RMDN2: variants seen among roughly 807,000 people sequenced by gnomAD.
RMDN2 encodes regulator of microtubule dynamics protein 2.
A neutral mutation model predicts 52.8 loss-of-function variants in RMDN2; 61 were observed. That is an observed-to-expected ratio of 1.16 (90% CI 0.94 to 1.43). RMDN2 has a LOEUF of 1.43. Among genes scored for constraint, RMDN2 ranks in the 40% most tolerant of loss-of-function variants. The pLI, the probability that RMDN2 is intolerant of heterozygous loss-of-function variation, is 0.00. For missense variants in RMDN2, 592 were observed against 475.3 expected, an observed-to-expected ratio of 1.25 and a Z score of -2.28; for synonymous variants, 180 against 153.1, an observed-to-expected ratio of 1.18 and a Z score of -1.30.
At chr2:38,039,093 C>CACACACACACACACACAG (rs1317093706) in intron 10 of RMDN2, among the ~76,000 whole-genome samples, 1 of 91,592 alleles carries the variant, frequency 1.1e-5, no homozygotes, top group Non-Finnish European at 3.3e-5. Flanking sequence ...CACACACACA[C>CACACACACACACACACAG]AGAGAGAGAG....
chr2:38,009,094 C>G (rs1393150974), intron 10 of RMDN2, among the ~76,000 whole-genome samples: 1 of 152,202 alleles, frequency 6.6e-6, no homozygotes, highest in African/African-American at 2.4e-5. Flanking sequence ...TGATGGGCTT[C>G]CCTTTATGGG....
Position 38,017,507 on chromosome 2 carries a change from A to T in RMDN2, c.*268A>T, listed in dbSNP as rs1678967214. ...TTATCAATAAACTGCAGCCTTAAGA[A>T]TATTTCTTTAAATAAAATATTTAAA... is the stretch of plus-strand genomic sequence containing the variant. On this transcript the variant is annotated 3_prime_UTR_variant, in exon 11 of 11. Transcript: ENST00000354545. 9.1e-7 allele frequency: 1 copy of T among 1,102,700 alleles called. No homozygotes were observed. Among genetic ancestry groups the T allele is most frequent in the Non-Finnish European group, 1.2e-6 (1 of 829,698 alleles). 68.3% of individuals were successfully genotyped at this position (1,102,700 alleles called of 1,614,324 possible).
At chr2:38,058,994 T>C (rs1242297223) in intron 10 of RMDN2, among the ~76,000 whole-genome samples, 1 of 152,210 alleles carries the variant, frequency 6.6e-6, no homozygotes, top group African/African-American at 2.4e-5. Flanking sequence ...ATCATAGTGT[T>C]TTACCCAAAG....
intron 10 of RMDN2, among the ~76,000 whole-genome samples, chr2:38,023,096 T>TA (rs1679516962): frequency 6.6e-6 from 1 of 152,236 alleles, no homozygotes; most frequent in South Asian, 2.1e-4. Flanking sequence ...TTAACAATTT[T>TA]AAACCTCACA....
In RMDN2 at chr2:37,929,385, A is replaced by C. The variant is rs1666540840; in HGVS notation, c.108A>C (p.Ala36=). 2 of 1,551,568 alleles carry C rather than the reference A, an allele frequency of 1.3e-6. No individual in the cohort carries two copies. The highest frequency in any genetic ancestry group is 2.4e-5 in the South Asian group (2 of 84,068). Residue 36 remains alanine, a synonymous_variant, in exon 2 of 11, where the codon GCA becomes GCC. Transcript: ENST00000354545. The part of the protein sequence containing the change: ...WYHKVRKPGI[A]MKLPEFLSLG... The stretch of plus-strand genomic sequence containing the variant: ...ACAAGGTCCGTAAACCAGGGATAGC[A>C]ATGAAGTTACCTGAATTTCTTTCTC...
In RMDN2 at chr2:37,952,202, G is replaced by A. The variant is rs201107537; in HGVS notation, c.453-21838G>A. ...CACCTATTGAAATTCCTAAAATAAG[G>A]TCACCTCAGACTTTACCCTCTCTTA... On this transcript the variant is annotated intron_variant, in intron 2 of 10. Transcript: ENST00000354545. 595 of 1,612,866 alleles carry A rather than the reference G, an allele frequency of 3.7e-4. No individual in the cohort carries two copies. Among genetic ancestry groups the A allele is most frequent in the Middle Eastern group, 1.3e-3 (8 of 6,054 alleles).
intron 5 of RMDN2, among the ~76,000 whole-genome samples, chr2:37,983,452 C>T (rs893023348): frequency 2.0e-5 from 3 of 152,044 alleles, no homozygotes; most frequent in African/African-American, 4.8e-5. Flanking sequence ...CATTTAACCC[C>T]AGTATTAAAT....
chr2:37,996,601 GAAAAA>G (rs1161536445), intron 7 of RMDN2, among the ~76,000 whole-genome samples: 1 of 58,006 alleles, frequency 1.7e-5, no homozygotes, highest in Non-Finnish European at 3.1e-5. Context: ...AAAAAAAAAA[GAAAAA>G]AAAAAAAAAA....
rs562552552 is a variant in RMDN2 at position 37,942,367 on chromosome 2, A to G, written c.452+12638A>G. ...TCGACCATCTTGCCTGGGAATCCTC[A>G]TGTTTTGTTCTTATAAACAATGCTT... On this transcript the variant is annotated intron_variant, in intron 2 of 10. Transcript: ENST00000354545. Among the ~76,000 whole-genome samples, 5 of 152,152 alleles carry G rather than the reference A, an allele frequency of 3.3e-5. No homozygotes were observed. The East Asian group carries it at 5.8e-4, about 18-fold the overall frequency.
In RMDN2 at chr2:37,929,624, C is replaced by G. The variant is rs1187424854; in HGVS notation, c.347C>G (p.Thr116Ser). 1.3e-6 allele frequency: 2 copies of G among 1,551,486 alleles called. No individual in the cohort carries two copies. Among genetic ancestry groups the G allele is most frequent in the South Asian group, 2.4e-5 (2 of 84,050 alleles). Residue 116 changes from threonine to serine, a missense_variant, in exon 2 of 11, where the codon ACT becomes AGT. Physicochemically the swap from Thr to Ser is moderately conservative, Grantham distance 58. Coordinates refer to ENST00000354545, the MANE Select transcript of RMDN2 (RefSeq NM_001170791.3). ...YIQDELGGKI[T>S]VHKISPQHRA... The stretch of plus-strand genomic sequence containing the variant: ...CAAGATGAACTTGGAGGGAAAATAA[C>G]TGTTCATAAGATAAGCCCTCAGCAC...
rs10205226 is a variant in RMDN2, at chr2:37,985,378, T to A, written c.791+4035T>A. ...TTCTAAAAAGGTGAAATGATCTGTT[T>A]TTTATTTATTTATTTATTTATTTTG... On this transcript the variant is annotated intron_variant, in intron 5 of 10. Coordinates refer to ENST00000354545, the MANE Select transcript of RMDN2 (RefSeq NM_001170791.3). Among the ~76,000 whole-genome samples, 213 of 151,592 alleles carry A rather than the reference T, an allele frequency of 1.4e-3. 1 individual carries two copies. The highest frequency in any genetic ancestry group is 4.6e-3 in the African/African-American group (189 of 41,300).
Position 37,926,532 on chromosome 2 carries a change from A to T in RMDN2, c.-17+1107A>T, listed in dbSNP as rs1666292913. Among the ~76,000 whole-genome samples the T allele has an allele frequency of 3.9e-5, 6 of 152,336 alleles. No homozygotes were observed. In the South Asian group the frequency reaches 1.2e-3, roughly 32 times the overall value. On this transcript the variant is annotated intron_variant, in intron 1 of 10. Transcript: ENST00000354545. Reference sequence around the variant, plus strand: ...ACCTTACAAATTGAAACGTAACATAATACTTTGTATCTGATTATTAAAATA... The same window carrying T: ...ACCTTACAAATTGAAACGTAACATATTACTTTGTATCTGATTATTAAAATA...
chr2:38,051,395 T>A (rs1345330558), intron 10 of RMDN2, among the ~76,000 whole-genome samples: 1 of 152,210 alleles, frequency 6.6e-6, no homozygotes. Context: ...CTGTTCTTTT[T>A]TTAGTTTTTT....
At chr2:37,976,810 C>T (rs1320565675) in intron 4 of RMDN2, among the ~76,000 whole-genome samples, 2 of 151,788 alleles carry the variant, frequency 1.3e-5, no homozygotes, top group Non-Finnish European at 2.9e-5. Flanking sequence ...AGTGTTCCAA[C>T]ATTCATCAAT....
At chr2:38,007,309 A>G (rs1677247492) in intron 10 of RMDN2, among the ~76,000 whole-genome samples, 1 of 152,166 alleles carries the variant, frequency 6.6e-6, no homozygotes, top group South Asian at 2.1e-4. Flanking sequence ...CCTCTGGTAG[A>G]ATTTGGCTGT....
chr2:37,987,888 A>AG (rs1010886549), intron 5 of RMDN2, among the ~76,000 whole-genome samples: 20 of 56,190 alleles, frequency 3.6e-4, no homozygotes, highest in African/African-American at 2.1e-3. Flanking sequence ...GTGAAATCCC[A>AG]TCTCTACTAA....
intron 10 of RMDN2, among the ~76,000 whole-genome samples, chr2:38,061,634 TAC>T (rs770985216): frequency 7.6e-5 from 8 of 105,364 alleles, no homozygotes; most frequent in Non-Finnish European, 1.2e-4. Flanking sequence ...TCACACACAG[TAC>T]ACACACACAC....
downstream of RMDN2, among the ~76,000 whole-genome samples, chr2:38,020,483 G>A (rs1259778955): frequency 6.6e-6 from 1 of 152,232 alleles, no homozygotes; most frequent in Non-Finnish European, 1.5e-5. Flanking sequence ...GGCCGGAGCC[G>A]GCTCCCTCAG....
At chr2:37,954,962 A>C (rs1466983007) in intron 2 of RMDN2, among the ~76,000 whole-genome samples, 1 of 152,160 alleles carries the variant, frequency 6.6e-6, no homozygotes, top group Non-Finnish European at 1.5e-5. Context: ...TGCAATTATA[A>C]GTGAAATTAT....
Sources: gnomAD v4.1 joint callset for allele counts (sites outside exome capture counted in the v4.1 genomes callset) on GRCh38, gnomAD v4.1.1 for gene constraint, MANE v1.5 for transcripts, NCBI Gene and HGNC (gene_info 2026-07-23, HGNC 2026-07-21) for gene names.